Variants in UTP6 observed in about 807,000 individuals in gnomAD.
UTP6 encodes the protein UTP6 small subunit processome component.
UTP6 carries 60 observed loss-of-function variants against 96.5 expected under a neutral mutation model. The ratio of observed to expected loss-of-function variants is 0.62; its 90% CI spans 0.51 to 0.77. The LOEUF (loss-of-function observed/expected upper bound fraction) is 0.77. Among genes scored for constraint, UTP6 ranks in the 30% least tolerant of loss-of-function variants. The probability of loss-of-function intolerance (pLI) is 0.00; values close to 1 mark genes in which losing one functional copy is unlikely to be tolerated. For synonymous variants in UTP6, 215 were observed against 240.1 expected, an observed-to-expected ratio of 0.90 and a Z score of 0.96; for missense variants, 637 against 706.5, an observed-to-expected ratio of 0.90 and a Z score of 1.12.
intron 9 of UTP6, among the ~76,000 whole-genome samples, 190 bp from the exon 10 acceptor site, chr17:31,884,695 T>TA (rs2142310421): frequency 1.3e-5 from 2 of 150,876 alleles, no homozygotes; most frequent in African/African-American, 4.9e-5. Flanking sequence ...AAGCTATTGT[T>TA]AATCTTTGGA....
chr17:31,868,151 A>C lies in UTP6; in HGVS notation c.1497-39T>G, dbSNP rs756376092. The C allele has an allele frequency of 2.5e-6, 4 of 1,584,662 alleles. No homozygotes were observed. In the South Asian group the frequency reaches 4.5e-5, roughly 18 times the overall value. ...AGAAAACGTTATCTTCAACAATGACAAAAAGCCTCTTACATCTCATAACTG... is the reference window on the plus strand; with the variant it reads ...AGAAAACGTTATCTTCAACAATGACCAAAAGCCTCTTACATCTCATAACTG... On this transcript the variant is annotated intron_variant, in intron 16 of 18. Coordinates refer to ENST00000261708, the MANE Select transcript of UTP6 (RefSeq NM_018428.3).
At chr17:31,895,088 G>C (rs533601118) in intron 2 of UTP6, 77 bp from the exon 3 acceptor site, 2 of 1,096,700 alleles carry the variant, frequency 1.8e-6, no homozygotes, top group African/African-American at 3.2e-5. Flanking sequence ...TTTAGTTAAA[G>C]TCATAAAACA....
intron 13 of UTP6, among the ~76,000 whole-genome samples, chr17:31,876,409 C>G (rs1004302609): frequency 6.7e-6 from 1 of 149,804 alleles, no homozygotes; most frequent in Admixed American, 6.6e-5. Flanking sequence ...CTTTGGGAGG[C>G]TGAGGCAGGC....
chr17:31,880,894 C>T (rs1910792737), intron 10 of UTP6, 140 bp from the exon 11 acceptor site: 6 of 1,209,444 alleles, frequency 5.0e-6, no homozygotes, highest in African/African-American at 1.5e-5. Context: ...ATTTCCCAGG[C>T]CGGGCCCGGT....
chr17:31,898,274 T>C (rs929793948), intron 2 of UTP6, among the ~76,000 whole-genome samples: 2 of 152,156 alleles, frequency 1.3e-5, no homozygotes, highest in African/African-American at 4.8e-5. Context: ...TGGTGGCTCA[T>C]GCCTGTAATT....
chr17:31,900,038 G>A (rs1327739676), intron 1 of UTP6, among the ~76,000 whole-genome samples: 1 of 151,844 alleles, frequency 6.6e-6, no homozygotes, highest in Admixed American at 6.6e-5. Flanking sequence ...CAGCTACTCG[G>A]GAGACTGAGG....
chr17:31,899,780 G>A (rs771077562), intron 1 of UTP6, 50 bp from the exon 2 acceptor site: 13 of 1,282,938 alleles, frequency 1.0e-5, no homozygotes, highest in Admixed American at 4.7e-5. Flanking sequence ...AAAATTAAAC[G>A]TTTAAGTTTA....
rs575454019 is a variant in UTP6 at position 31,886,216 on chromosome 17, G to C, written c.622-155C>G. On this transcript the variant is annotated intron_variant, in intron 8 of 18. Transcript: ENST00000261708. ...AGTTCCCTCACTTGTAAAGTGTGCA[G>C]CTTGAACAAGATCACTGACCTTCCA... 2.6e-5 allele frequency among the ~76,000 whole-genome samples: 4 copies of C among 152,306 alleles called. No homozygotes were observed. The South Asian group carries it at 8.3e-4, about 32-fold the overall frequency.
intron 9 of UTP6, 146 bp downstream of exon 9, chr17:31,885,834 A>G: frequency 1.5e-6 from 1 of 659,908 alleles, no homozygotes; most frequent in South Asian, 2.0e-5. Flanking sequence ...CCTAGGAAAA[A>G]TAAGTATTTT....
chr17:31,867,558 C>T (rs1567776073), intron 17 of UTP6, among the ~76,000 whole-genome samples: 1 of 151,128 alleles, frequency 6.6e-6, no homozygotes, highest in Non-Finnish European at 1.5e-5. Flanking sequence ...CAAACATATA[C>T]TTTCTCTTTG....
chr17:31,893,734 C>CAAAAA (rs3084042), intron 4 of UTP6, among the ~76,000 whole-genome samples: 1 of 84,464 alleles, frequency 1.2e-5, no homozygotes, highest in Admixed American at 1.3e-4. Flanking sequence ...CATCCCCCAC[C>CAAAAA]AAAAAAAAAA....
At chr17:31,871,749 T>C (rs749197084) in intron 16 of UTP6, among the ~76,000 whole-genome samples, 3 of 151,844 alleles carry the variant, frequency 2.0e-5, no homozygotes, top group Non-Finnish European at 2.9e-5. Flanking sequence ...AAAAATTACC[T>C]GGGTGTGGTG....
intron 17 of UTP6, among the ~76,000 whole-genome samples, chr17:31,866,286 C>CAA (rs869110895): frequency 3.1e-4 from 18 of 58,028 alleles, no homozygotes; most frequent in African/African-American, 6.5e-4. Flanking sequence ...GACTCTGTCT[C>CAA]AAAAAAAAAA....
chr17:31,892,658 C>T (rs902160022), intron 5 of UTP6, 89 bp downstream of exon 5: 5 of 1,545,988 alleles, frequency 3.2e-6, no homozygotes, highest in Middle Eastern at 1.7e-4. Flanking sequence ...TAACCCTACA[C>T]TTCAGGAAAA....
chr17:31,884,534 T>C, intron 9 of UTP6, 29 bp from the exon 10 acceptor site: 51 of 1,501,870 alleles, frequency 3.4e-5, no homozygotes, highest in Middle Eastern at 1.7e-4. Flanking sequence ...GGAGGGGAAG[T>C]TTATTGCCAA....
chr17:31,886,211 G>A, intron 8 of UTP6, 150 bp from the exon 9 acceptor site: 3 of 625,558 alleles, frequency 4.8e-6, no homozygotes, highest in Non-Finnish European at 8.2e-6. Context: ...CTTGTAAAGT[G>A]TGCAGCTTGA....
At chr17:31,887,386 G>A (rs1206874825) in intron 7 of UTP6, 73 bp from the exon 8 acceptor site, 8 of 1,290,160 alleles carry the variant, frequency 6.2e-6, no homozygotes, top group Admixed American at 5.5e-5. Flanking sequence ...GTCTTGCTCT[G>A]TCACCCAAGC....
In UTP6 at chr17:31,899,743, C is replaced by A; in HGVS notation, c.93-13G>T. On this transcript the variant is annotated splice_polypyrimidine_tract_variant and intron_variant, in intron 1 of 18. Transcript: ENST00000261708. ...CTTAATGATAGCCCTGAGGAGAAAG[C>A]CATTTAAACTTCACTTGAAAACTGC... 1 of 1,538,226 alleles carries A rather than the reference C, an allele frequency of 6.5e-7. No homozygotes were observed. Among genetic ancestry groups the A allele is most frequent in the South Asian group, 1.3e-5 (1 of 79,902 alleles).
chr17:31,868,419 T>G (rs895329654), intron 16 of UTP6, among the ~76,000 whole-genome samples: 1 of 139,880 alleles, frequency 7.1e-6, no homozygotes. Flanking sequence ...AGCCCTGAAT[T>G]CCCAGGCTCA....
Sources: gnomAD v4.1 joint callset for allele counts (sites outside exome capture counted in the v4.1 genomes callset) on GRCh38, gnomAD v4.1.1 for gene constraint, MANE v1.5 for transcripts, NCBI Gene and HGNC (gene_info 2026-07-23, HGNC 2026-07-21) for gene names.